The following SPAG17 variants were observed in gnomAD, a reference collection of about 807,000 sequenced individuals.
The protein encoded by SPAG17 is sperm-associated antigen 17.
A neutral mutation model predicts 273.6 loss-of-function variants in SPAG17; 169 were observed. The observed-to-expected ratio is 0.62, with a 90% confidence interval of 0.55 to 0.70. The LOEUF (loss-of-function observed/expected upper bound fraction) is 0.70. Ranked by LOEUF, SPAG17 falls within the 30% of genes least tolerant of loss-of-function variation. The pLI is 0.00. For synonymous variants in SPAG17, 825 were observed against 873.2 expected, an observed-to-expected ratio of 0.94 and a Z score of 0.97; for missense variants, 2,557 against 2,627.8, an observed-to-expected ratio of 0.97 and a Z score of 0.59.
chr1:118,051,947 T>C (rs1318776686), intron 20 of SPAG17, among the ~76,000 whole-genome samples: 1 of 137,218 alleles, frequency 7.3e-6, no homozygotes, highest in East Asian at 2.3e-4. Flanking sequence ...TAATACTATG[T>C]ATACATATAT....
At chr1:117,970,651 T>A (rs1654449456) in intron 45 of SPAG17, among the ~76,000 whole-genome samples, 1 of 152,068 alleles carries the variant, frequency 6.6e-6, no homozygotes, top group Non-Finnish European at 1.5e-5. Flanking sequence ...CTTCCTGTGG[T>A]TTGTGGGGTC....
chr1:118,012,864 C>A (rs534985594), intron 29 of SPAG17, among the ~76,000 whole-genome samples: 1 of 152,210 alleles, frequency 6.6e-6, no homozygotes, highest in African/African-American at 2.4e-5. Context: ...TGGTAGGGGA[C>A]AGAGGCTGTA....
At chr1:118,084,795 A>G (rs1487380005) in intron 13 of SPAG17, among the ~76,000 whole-genome samples, 4 of 152,160 alleles carry the variant, frequency 2.6e-5, no homozygotes. Flanking sequence ...GGGTATCCAG[A>G]GACCAGAATG....
intron 3 of SPAG17, among the ~76,000 whole-genome samples, chr1:118,148,415 T>G (rs568579921): frequency 4.3e-4 from 66 of 152,278 alleles, no homozygotes; most frequent in African/African-American, 1.4e-3. Flanking sequence ...AGGTGCTAGC[T>G]CAGGTGGCCA....
rs1399871698 is a variant in SPAG17, at chr1:118,012,342, T to A, written c.4318A>T (p.Ile1440Leu). 6.2e-7 allele frequency: 1 copy of A among 1,613,552 alleles called. No homozygotes were observed. The highest frequency in any genetic ancestry group is 1.3e-5 in the African/African-American group (1 of 74,914). Reference protein sequence around the residue: ...VMTTREDKVVIVERKDGTRIV... With the variant: ...VMTTREDKVVLVERKDGTRIV... ...CGAGTACCATCTTTCCTTTCAACTA[T>A]GACAACTTTGTCTTCTCGAGTTGTC... Residue 1440 changes from isoleucine (I) to leucine (L), a missense_variant, in exon 30 of 49, where the codon ATA becomes TTA. By Grantham distance (5) the Ile-to-Leu change is conservative. Coordinates refer to ENST00000336338, the MANE Select transcript of SPAG17 (RefSeq NM_206996.4).
intron 1 of SPAG17, among the ~76,000 whole-genome samples, chr1:118,151,771 G>A (rs189743122): frequency 9.4e-4 from 143 of 152,204 alleles, no homozygotes; most frequent in African/African-American, 3.2e-3. Context: ...TCTAAATAGT[G>A]GTAGGAATAT....
At chr1:118,146,305 T>C (rs1658986830) in intron 3 of SPAG17, among the ~76,000 whole-genome samples, 1 of 152,240 alleles carries the variant, frequency 6.6e-6, no homozygotes, top group Admixed American at 6.5e-5. Flanking sequence ...GATATTTTCC[T>C]TTTTAATTTT....
chr1:118,113,913 A>C (rs945896068), intron 4 of SPAG17, among the ~76,000 whole-genome samples: 1 of 152,154 alleles, frequency 6.6e-6, no homozygotes, highest in Non-Finnish European at 1.5e-5. Context: ...AAATTTGTTA[A>C]AGGAAATCTA....
At position 118,115,319 on chromosome 1, in the gene SPAG17, A is replaced by G. The variant is rs1191660993; in HGVS notation, c.438T>C (p.Asn146=). The G allele has an allele frequency of 6.2e-7, 1 of 1,613,230 alleles. No individual in the cohort carries two copies. Among genetic ancestry groups the G allele is most frequent in the Admixed American group, 1.7e-5 (1 of 59,936 alleles). The part of the protein sequence containing the change: ...IKFKDQQRRE[N]EKKVIEDKPK... ...CCAGATCGTACAGTACCTTCTTTTC[A>G]TTTTCCCGTCGCTGTTGGTCCTTAA... The change falls in exon 4 of 49, where the codon AAT becomes AAC. Residue 146 remains asparagine (N), a synonymous_variant. Coordinates refer to ENST00000336338, the MANE Select transcript of SPAG17 (RefSeq NM_206996.4).
intron 4 of SPAG17, 29 bp downstream of exon 4, chr1:118,115,281 T>G: frequency 1.2e-6 from 2 of 1,609,478 alleles, no homozygotes; most frequent in Non-Finnish European, 1.7e-6. Flanking sequence ...ACTTGCCCTC[T>G]TTAGAAAACC....
chr1:117,954,848 ATTC>A lies in SPAG17; in HGVS notation c.*1-802_*1-800del, dbSNP rs1251011111. Reference sequence around the variant, plus strand: ...GCCTTTTTGGTTGGACTGGACTGGCATTCTTCTGTTTTCTAGTGCCTGTTTATG... The same window carrying A: ...GCCTTTTTGGTTGGACTGGACTGGCATTCTGTTTTCTAGTGCCTGTTTATG... On this transcript the variant is annotated intron_variant, in intron 48 of 48. Transcript: ENST00000336338. Among the ~76,000 whole-genome samples, 13 of 152,188 alleles carry A rather than the reference ATTC, an allele frequency of 8.5e-5. No individual in the cohort carries two copies. The East Asian group carries it at 2.3e-3, about 27-fold the overall frequency.
chr1:118,087,659 G>A (rs562159127), intron 10 of SPAG17, among the ~76,000 whole-genome samples: 2 of 152,288 alleles, frequency 1.3e-5, no homozygotes, highest in South Asian at 4.1e-4. Context: ...GGTCTAGAAA[G>A]ATTAAGTGCC....
chr1:117,997,505 A>G (rs1299990614), intron 32 of SPAG17, among the ~76,000 whole-genome samples: 1 of 151,642 alleles, frequency 6.6e-6, no homozygotes, highest in African/African-American at 2.4e-5. Context: ...ATAACTCCAA[A>G]TCTAAAAAAT....
chr1:118,072,755 T>C (rs1304842968), intron 17 of SPAG17, among the ~76,000 whole-genome samples: 1 of 152,124 alleles, frequency 6.6e-6, no homozygotes, highest in Non-Finnish European at 1.5e-5. Context: ...AATTACGATA[T>C]TGTTAACAGT....
chr1:118,098,270 A>G (rs1055385893), intron 6 of SPAG17, among the ~76,000 whole-genome samples: 2 of 152,084 alleles, frequency 1.3e-5, no homozygotes, highest in African/African-American at 4.8e-5. Flanking sequence ...TCCTTCTTAT[A>G]TTGCTGAAAA....
chr1:117,963,874 T>C lies in SPAG17; in HGVS notation c.6597A>G (p.Pro2199=). 1.2e-6 allele frequency: 2 copies of C among 1,613,976 alleles called. No individual in the cohort carries two copies. The highest frequency in any genetic ancestry group is 4.5e-5 in the East Asian group (2 of 44,872). The change falls in exon 48 of 49, where the codon CCA becomes CCG. Residue 2199 remains proline, a synonymous_variant. Transcript: ENST00000336338. ...AAATTGTAGAAGTTCTCTGGACCAT[T>C]GGATTTTCTTTTCCCTGGGGAAAGT... ...PKDFPQGKEN[P]MVQRTSTIYS...
At chr1:118,113,323 G>A (rs192762717) in intron 4 of SPAG17, among the ~76,000 whole-genome samples, 1 of 152,176 alleles carries the variant, frequency 6.6e-6, no homozygotes, top group Non-Finnish European at 1.5e-5. Flanking sequence ...CTAATCCACA[G>A]CATGGTGTCA....
intron 1 of SPAG17, among the ~76,000 whole-genome samples, chr1:118,164,695 T>G (rs1169921438): frequency 6.6e-6 from 1 of 152,230 alleles, no homozygotes; most frequent in Non-Finnish European, 1.5e-5. Flanking sequence ...TTCCTTCATG[T>G]AGAGCCCAAA....
chr1:117,971,938 T>C lies in SPAG17; in HGVS notation c.6251A>G (p.Lys2084Arg), dbSNP rs774919680. ...ATGTCCTTCCTTAAGCACTCCAAAC[T>C]TGACTGATGATGGGAGAAGATGGAA... ...FGFHLLPSSVKFGVLKEGHTY... is the reference protein window; with the variant it reads ...FGFHLLPSSVRFGVLKEGHTY... The change falls in exon 45 of 49, where the codon AAG becomes AGG. Residue 2084 changes from lysine to arginine, a missense_variant. Transcript: ENST00000336338. The C allele has an allele frequency of 1.9e-6, 3 of 1,614,084 alleles. No homozygotes were observed. Among genetic ancestry groups the C allele is most frequent in the Admixed American group, 1.7e-5 (1 of 60,010 alleles).
Sources: gnomAD v4.1 joint callset for allele counts (sites outside exome capture counted in the v4.1 genomes callset) on GRCh38, gnomAD v4.1.1 for gene constraint, MANE v1.5 for transcripts, NCBI Gene and HGNC (gene_info 2026-07-23, HGNC 2026-07-21) for gene names.